ADD2: variants seen among roughly 807,000 people sequenced by gnomAD.
ADD2 encodes beta-adducin.
Under a neutral mutation model 83.0 loss-of-function variants are expected in ADD2, and 23 were observed. That is an observed-to-expected ratio of 0.28 (90% confidence interval 0.20 to 0.39). ADD2 has a LOEUF of 0.39. Ranked by LOEUF, ADD2 falls within the 10% of genes least tolerant of loss-of-function variation. ADD2 has a pLI of 1.00. For synonymous variants in ADD2, 375 were observed against 375.4 expected (o/e 1.00, Z 0.01); for missense variants, 758 against 944.9 (o/e 0.80, Z 2.59).
At position 70,676,754 on chromosome 2, in the gene ADD2, C is replaced by A; in HGVS notation, c.1593+42G>T. 6.2e-7 allele frequency: 1 copy of A among 1,613,860 alleles called. No homozygotes were observed. The highest frequency in any genetic ancestry group is 1.1e-5 in the South Asian group (1 of 91,030). On this transcript the variant is annotated intron_variant, in intron 13 of 15. Transcript: ENST00000264436. The surrounding 1 kb of genome is among the most constrained non-coding windows in gnomAD (Gnocchi z 4.8). ...CCCCAGGCACAGAAGACCCCGAAGG[C>A]AAACACGTTTCCCCGCCAGTCAGGG...
chr2:70,728,444 T>A (rs1259793282), intron 1 of ADD2, among the ~76,000 whole-genome samples: 1 of 151,918 alleles, frequency 6.6e-6, no homozygotes, highest in African/African-American at 2.4e-5. Context: ...GTGTGAGGAG[T>A]CAGTCCTGGG....
intron 1 of ADD2, among the ~76,000 whole-genome samples, chr2:70,743,067 C>A (rs992772956): frequency 1.3e-5 from 2 of 152,212 alleles, no homozygotes; most frequent in Non-Finnish European, 2.9e-5. Flanking sequence ...GAATCCAAGA[C>A]TGTATTTAAT....
chr2:70,763,035 G>T (rs551966019), intron 1 of ADD2, among the ~76,000 whole-genome samples: 1 of 151,976 alleles, frequency 6.6e-6, no homozygotes, highest in East Asian at 1.9e-4. Flanking sequence ...AACATCTTTT[G>T]TATTCTTTGA....
chr2:70,736,007 T>A (rs1553380103), intron 1 of ADD2, among the ~76,000 whole-genome samples: 1 of 151,904 alleles, frequency 6.6e-6, no homozygotes. Flanking sequence ...ACAGCCCATG[T>A]TCCCCCACTT....
chr2:70,751,761 CCAAT>C (rs1674516165), intron 1 of ADD2, among the ~76,000 whole-genome samples: 1 of 152,110 alleles, frequency 6.6e-6, no homozygotes, highest in Admixed American at 6.5e-5. Flanking sequence ...ATCCAGAGCA[CCAAT>C]CATTTATCAT....
At chr2:70,731,236 G>T (rs1553379236) in intron 1 of ADD2, among the ~76,000 whole-genome samples, 1 of 151,946 alleles carries the variant, frequency 6.6e-6, no homozygotes. Flanking sequence ...AAAGAGAAAA[G>T]GAGGAAGAAA....
chr2:70,678,860 A>G lies in ADD2; in HGVS notation c.1227T>C (p.Phe409=). 9 of 1,614,138 alleles carry G rather than the reference A, an allele frequency of 5.6e-6. No homozygotes were observed. The highest frequency in any genetic ancestry group is 6.8e-6 in the Non-Finnish European group (8 of 1,180,026). ...CGGGCACCGGGGCACCGTCCTCCTC[A>G]AACACGAAGGCTGTGACCGTGGCTG... The part of the protein sequence containing the change: ...EIPATVTAFV[F]EEDGAPVPAL... The change falls in exon 11 of 16, where the codon TTT becomes TTC. Residue 409 remains phenylalanine, a synonymous_variant. Transcript: ENST00000264436.
chr2:70,687,680 C>T (rs149193696), intron 9 of ADD2, among the ~76,000 whole-genome samples: 3 of 152,160 alleles, frequency 2.0e-5, no homozygotes, highest in Non-Finnish European at 2.9e-5. Context: ...GTATACCCCA[C>T]GTAACATATG....
At position 70,695,812 on chromosome 2, in the gene ADD2, GAC is replaced by G; in HGVS notation, c.475-13_475-12del. 6.2e-7 allele frequency: 1 copy of G among 1,613,174 alleles called. No individual in the cohort carries two copies. Among genetic ancestry groups the G allele is most frequent in the Non-Finnish European group, 8.5e-7 (1 of 1,179,316 alleles). The stretch of plus-strand genomic sequence containing the variant: ...CTTGCTGACTCTCAACTGGAGGAAA[GAC>G]ACAAGTTCTCAGGGGCAAGGAGGGA... On this transcript the variant is annotated splice_polypyrimidine_tract_variant and intron_variant, in intron 5 of 15. Transcript: ENST00000264436.
intron 9 of ADD2, among the ~76,000 whole-genome samples, chr2:70,685,496 T>C: frequency 6.6e-6 from 1 of 152,232 alleles, no homozygotes; most frequent in Middle Eastern, 3.4e-3. Context: ...CTCCAGGTAG[T>C]GTTTAAGGGC....
At chr2:70,761,820 C>T (rs980095531) in intron 1 of ADD2, among the ~76,000 whole-genome samples, 14 of 150,742 alleles carry the variant, frequency 9.3e-5, no homozygotes, top group South Asian at 4.2e-4. Context: ...TACAGGTGCC[C>T]GCCACCACGC....
intron 15 of ADD2, among the ~76,000 whole-genome samples, chr2:70,664,450 C>G (rs1337274695): frequency 6.6e-6 from 1 of 152,218 alleles, no homozygotes; most frequent in African/African-American, 2.4e-5. Flanking sequence ...CCCTTTCTCC[C>G]CCTCCCCACT....
intron 1 of ADD2, among the ~76,000 whole-genome samples, chr2:70,763,961 C>G (rs1401380842): frequency 6.7e-6 from 1 of 149,162 alleles, no homozygotes; most frequent in Non-Finnish European, 1.5e-5. Flanking sequence ...GATCTCGGCT[C>G]ACTGCAACCT....
chr2:70,762,228 C>T (rs1431489512), intron 1 of ADD2, among the ~76,000 whole-genome samples: 4 of 150,928 alleles, frequency 2.7e-5, no homozygotes, highest in African/African-American at 7.4e-5. Flanking sequence ...ATCAAAATGA[C>T]GTAAAAGAAG....
intron 4 of ADD2, 58 bp downstream of exon 4, chr2:70,704,263 T>TGCCCCCCCCCCCACC: frequency 1.1e-6 from 1 of 913,238 alleles, no homozygotes; most frequent in Non-Finnish European, 1.7e-6. Flanking sequence ...CTCCCTCTCT[T>TGCCCCCCCCCCCACC]CCCCACCCCA....
At chr2:70,716,005 G>A (rs1553376288) in intron 1 of ADD2, among the ~76,000 whole-genome samples, 1 of 152,152 alleles carries the variant, frequency 6.6e-6, no homozygotes, top group East Asian at 1.9e-4. Flanking sequence ...TCTGTCTCTA[G>A]TGGCCGTGTT....
intron 11 of ADD2, 77 bp from the exon 12 acceptor site, chr2:70,677,954 TCTGGGCCCAACATC>T: frequency 6.3e-7 from 1 of 1,594,218 alleles, no homozygotes. Context: ...ACCCACGAGA[TCTGGGCCCAACATC>T]CTGCATGGAA....
At chr2:70,691,264 A>G (rs1558535763) in intron 7 of ADD2, among the ~76,000 whole-genome samples, 1 of 152,158 alleles carries the variant, frequency 6.6e-6, no homozygotes, top group Non-Finnish European at 1.5e-5. Context: ...CTTGTCATAC[A>G]ACTCTGGGAA....
At chr2:70,728,390 G>A (rs1385357882) in intron 1 of ADD2, among the ~76,000 whole-genome samples, 2 of 152,168 alleles carry the variant, frequency 1.3e-5, no homozygotes, top group African/African-American at 4.8e-5. Flanking sequence ...AGCCCACAGC[G>A]GGGGTCAGTC....
Sources: allele counts gnomAD v4.1 joint callset (sites outside exome capture counted in the v4.1 genomes callset), GRCh38; gene constraint gnomAD v4.1.1; non-coding constraint Gnocchi (gnomAD v3.1); transcripts MANE v1.5; gene names NCBI Gene and HGNC (gene_info 2026-07-23, HGNC 2026-07-21).